PIP5K1B: variants seen among roughly 807,000 people sequenced by gnomAD.
PIP5K1B encodes the protein phosphatidylinositol-4-phosphate 5-kinase type 1 beta.
PIP5K1B carries 42 observed loss-of-function variants against 67.0 expected under a neutral mutation model. The ratio of observed to expected loss-of-function variants is 0.63; its 90% CI spans 0.49 to 0.81. The LOEUF (loss-of-function observed/expected upper bound fraction) is 0.81. Among genes scored for constraint, PIP5K1B ranks in the 30% least tolerant of loss-of-function variants. The probability of loss-of-function intolerance (pLI) is 0.00; values close to 1 mark genes in which losing one functional copy is unlikely to be tolerated. For missense variants in PIP5K1B, 459 were observed against 646.3 expected, an observed-to-expected ratio of 0.71 and a Z score of 3.14; for synonymous variants, 214 against 231.4, an observed-to-expected ratio of 0.92 and a Z score of 0.68.
At chr9:68,864,617 A>T (rs955414155) in intron 5 of PIP5K1B, among the ~76,000 whole-genome samples, 9 of 152,236 alleles carry the variant, frequency 5.9e-5, no homozygotes, top group Admixed American at 2.0e-4. Flanking sequence ...TGTACACTTA[A>T]AAGTGGCTAA....
intron 4 of PIP5K1B, among the ~76,000 whole-genome samples, chr9:68,825,420 T>C (rs1833930734): frequency 6.6e-6 from 1 of 152,232 alleles, no homozygotes; most frequent in Non-Finnish European, 1.5e-5. Flanking sequence ...TGTTCACCCA[T>C]GACCTTAATG....
intron 2 of PIP5K1B, among the ~76,000 whole-genome samples, chr9:68,798,464 A>G (rs1832413319): frequency 6.6e-6 from 1 of 152,244 alleles, no homozygotes; most frequent in African/African-American, 2.4e-5. Context: ...TGCCAATTAC[A>G]ATAAATGTTA....
intron 5 of PIP5K1B, among the ~76,000 whole-genome samples, chr9:68,872,231 G>A (rs955710860): frequency 2.0e-5 from 3 of 152,220 alleles, no homozygotes; most frequent in African/African-American, 2.4e-5. Flanking sequence ...ATGTGCCAGC[G>A]TGGGGCCTCA....
chr9:68,807,574 T>C (rs1832938549), intron 2 of PIP5K1B, among the ~76,000 whole-genome samples: 1 of 152,196 alleles, frequency 6.6e-6, no homozygotes, highest in Admixed American at 6.5e-5. Flanking sequence ...GGGATCTGTG[T>C]GGCTTTGGTT....
intron 14 of PIP5K1B, among the ~76,000 whole-genome samples, chr9:68,956,085 A>G (rs12337140): frequency 0.29 from 44,109 of 152,158 alleles, 7,606 homozygotes; most frequent in East Asian, 0.51. Flanking sequence ...AACTTGACCC[A>G]TAAGATGAAC....
intron 12 of PIP5K1B, among the ~76,000 whole-genome samples, chr9:68,928,960 C>T (rs910848206): frequency 2.6e-5 from 4 of 152,024 alleles, no homozygotes; most frequent in African/African-American, 7.2e-5. Context: ...GTCAGGAGTT[C>T]GAGACCAGCC....
At chr9:68,990,623 G>T (rs1260984384) in intron 14 of PIP5K1B, among the ~76,000 whole-genome samples, 2 of 148,744 alleles carry the variant, frequency 1.3e-5, no homozygotes, top group African/African-American at 5.0e-5. Flanking sequence ...GGTATCTCGT[G>T]TGCTGGTAGA....
At chr9:68,786,462 TTTA>T (rs902823922) in intron 2 of PIP5K1B, among the ~76,000 whole-genome samples, 6 of 140,128 alleles carry the variant, frequency 4.3e-5, no homozygotes, top group East Asian at 2.1e-4. Flanking sequence ...TTTTGGTTTT[TTTA>T]TTATTATTAT....
intron 2 of PIP5K1B, chr9:68,781,272 C>T (rs1441592688): frequency 1.8e-5 from 9 of 500,610 alleles, no homozygotes; most frequent in Non-Finnish European, 3.3e-5. Context: ...TACATCTTTA[C>T]GCTGCTAATA....
At position 68,758,918 on chromosome 9, in the gene PIP5K1B, A is replaced by C. The variant is rs35448627; in HGVS notation, c.-86+16261A>C. On this transcript the variant is annotated intron_variant, in intron 2 of 15. Transcript: ENST00000265382. ...TGATTTGAATGACTGTGTATTTCTCATCATGGAGAAAGTGATATAACATTT... is the reference window on the plus strand; with the variant it reads ...TGATTTGAATGACTGTGTATTTCTCCTCATGGAGAAAGTGATATAACATTT... Among the ~76,000 whole-genome samples the C allele has an allele frequency of 7.9e-3, 1,210 of 152,282 alleles. 8 individuals carry two copies. The highest frequency in any genetic ancestry group is 0.012 in the Non-Finnish European group (849 of 67,996).
intron 2 of PIP5K1B, among the ~76,000 whole-genome samples, chr9:68,803,771 C>T (rs1167417206): frequency 6.6e-6 from 1 of 152,170 alleles, no homozygotes; most frequent in Non-Finnish European, 1.5e-5. Context: ...TAATAAAGCA[C>T]ATGGGGAAAA....
intron 14 of PIP5K1B, among the ~76,000 whole-genome samples, chr9:68,983,280 C>A (rs554404828): frequency 1.1e-4 from 16 of 152,056 alleles, no homozygotes; most frequent in Non-Finnish European, 2.2e-4. Flanking sequence ...AGAATGTGAT[C>A]TTTAGAGAGA....
intron 4 of PIP5K1B, among the ~76,000 whole-genome samples, chr9:68,853,565 G>A (rs1822602108): frequency 6.6e-6 from 1 of 152,202 alleles, no homozygotes; most frequent in South Asian, 2.1e-4. Flanking sequence ...AAAGTTTTCA[G>A]AAGAGAAGTT....
At chr9:68,997,843 T>C (rs1216577832) in intron 15 of PIP5K1B, among the ~76,000 whole-genome samples, 1 of 152,130 alleles carries the variant, frequency 6.6e-6, no homozygotes, top group Non-Finnish European at 1.5e-5. Context: ...ACAAACAGCA[T>C]TAAACTGCTG....
chr9:68,878,764 C>T (rs1417044044), intron 6 of PIP5K1B, among the ~76,000 whole-genome samples: 1 of 152,164 alleles, frequency 6.6e-6, no homozygotes, highest in Non-Finnish European at 1.5e-5. Flanking sequence ...ATGAAATACT[C>T]TAGGGTTGAG....
chr9:68,852,156 C>A (rs1348094549), intron 4 of PIP5K1B, among the ~76,000 whole-genome samples: 5 of 152,042 alleles, frequency 3.3e-5, no homozygotes, highest in Admixed American at 2.6e-4. Flanking sequence ...GTGTAGCAAA[C>A]CACCATGGCA....
At chr9:68,999,974 C>T (rs1830747286) in intron 15 of PIP5K1B, among the ~76,000 whole-genome samples, 1 of 152,146 alleles carries the variant, frequency 6.6e-6, no homozygotes, top group African/African-American at 2.4e-5. Context: ...GGGGTATGTC[C>T]TTCAGAGGTC....
chr9:68,828,922 T>G (rs2132099365), intron 4 of PIP5K1B, among the ~76,000 whole-genome samples: 1 of 151,908 alleles, frequency 6.6e-6, no homozygotes, highest in Middle Eastern at 3.4e-3. Flanking sequence ...GCCAACATGG[T>G]GAAACCCCAT....
chr9:68,865,422 ATGTT>A (rs1587582050), intron 5 of PIP5K1B, among the ~76,000 whole-genome samples: 1 of 151,640 alleles, frequency 6.6e-6, no homozygotes, highest in African/African-American at 2.4e-5. Flanking sequence ...TGTTTGCAGG[ATGTT>A]TGTTTGAGCT....
Sources: gnomAD v4.1 joint callset for allele counts (sites outside exome capture counted in the v4.1 genomes callset) on GRCh38, gnomAD v4.1.1 for gene constraint, MANE v1.5 for transcripts, NCBI Gene and HGNC (gene_info 2026-07-23, HGNC 2026-07-21) for gene names.